Variants in CNNM2 observed in about 807,000 individuals in gnomAD.
CNNM2 encodes metal transporter CNNM2.
CNNM2 carries 12 observed loss-of-function variants against 66.9 expected under a neutral mutation model. The observed-to-expected ratio is 0.18, with a 90% CI of 0.11 to 0.29. The LOEUF (loss-of-function observed/expected upper bound fraction) is 0.29, where lower values mean the gene tolerates loss of function less well. Among genes scored for constraint, CNNM2 ranks in the 10% least tolerant of loss-of-function variants. The pLI is 1.00. For missense variants in CNNM2, 705 were observed against 1,167.7 expected, an observed-to-expected ratio of 0.60 and a Z score of 5.77; for synonymous variants, 557 against 501.8, an observed-to-expected ratio of 1.11 and a Z score of -1.47.
chr10:103,009,692 A>G (rs910998204), intron 1 of CNNM2, among the ~76,000 whole-genome samples: 7 of 146,132 alleles, frequency 4.8e-5, no homozygotes, highest in African/African-American at 1.8e-4. Flanking sequence ...AAAAAAAAAA[A>G]AAAAAAGTAT....
At chr10:102,933,257 A>G (rs1057333334) in intron 1 of CNNM2, among the ~76,000 whole-genome samples, 1 of 152,190 alleles carries the variant, frequency 6.6e-6, no homozygotes, top group Non-Finnish European at 1.5e-5. Context: ...TCTTCCATCC[A>G]TGAACGGGGA....
At chr10:103,007,875 C>T (rs184300439) in intron 1 of CNNM2, among the ~76,000 whole-genome samples, 106 of 152,250 alleles carry the variant, frequency 7.0e-4, no homozygotes, top group African/African-American at 2.3e-3. Flanking sequence ...ATAAGACAGG[C>T]GTTAAGAAAT....
chr10:102,939,160 A>G (rs181480998), intron 1 of CNNM2, among the ~76,000 whole-genome samples: 2 of 152,270 alleles, frequency 1.3e-5, no homozygotes, highest in East Asian at 1.9e-4. Context: ...TATTCATTCA[A>G]CCTGCCTAGT....
intron 1 of CNNM2, among the ~76,000 whole-genome samples, chr10:103,019,033 TG>T (rs2064515184): frequency 6.6e-6 from 1 of 151,108 alleles, no homozygotes; most frequent in Non-Finnish European, 1.5e-5. Flanking sequence ...TTTGGGAGGC[TG>T]AGGCAGGCAG....
At chr10:102,943,043 A>G (rs1590285020) in intron 1 of CNNM2, among the ~76,000 whole-genome samples, 1 of 152,008 alleles carries the variant, frequency 6.6e-6, no homozygotes, top group Non-Finnish European at 1.5e-5. Context: ...TGGCCAACAT[A>G]GTGAAACCCC....
chr10:102,992,460 G>A (rs1376405484), intron 1 of CNNM2, among the ~76,000 whole-genome samples: 3 of 151,920 alleles, frequency 2.0e-5, no homozygotes, highest in African/African-American at 7.3e-5. Context: ...TTTTAGTAGA[G>A]ATGGGTTTCA....
intron 5 of CNNM2, among the ~76,000 whole-genome samples, chr10:103,069,939 T>C (rs745335388): frequency 6.6e-6 from 1 of 152,234 alleles, no homozygotes; most frequent in Non-Finnish European, 1.5e-5. Context: ...CAAGACTGTT[T>C]CTGTGACATT....
chr10:102,991,011 C>T (rs1435677872), intron 1 of CNNM2, among the ~76,000 whole-genome samples: 1 of 152,056 alleles, frequency 6.6e-6, no homozygotes, highest in African/African-American at 2.4e-5. Flanking sequence ...TATTTTGAGA[C>T]ATTCTTGCTC....
chr10:102,921,116 G>T, intron 1 of CNNM2: 1 of 838,722 alleles, frequency 1.2e-6, no homozygotes, highest in Non-Finnish European at 1.4e-6. Flanking sequence ...TAATGAACAG[G>T]TAAATAGCAA....
chr10:102,966,544 T>A (rs1043732968), intron 1 of CNNM2, among the ~76,000 whole-genome samples: 1 of 152,170 alleles, frequency 6.6e-6, no homozygotes, highest in Non-Finnish European at 1.5e-5. Context: ...GGAGAATTGC[T>A]TGAACCTGGG....
chr10:103,028,305 A>C (rs2064745942), intron 1 of CNNM2, among the ~76,000 whole-genome samples: 1 of 152,210 alleles, frequency 6.6e-6, no homozygotes, highest in Admixed American at 6.5e-5. Flanking sequence ...TCATCTAGTC[A>C]TTCAGTAAAC....
chr10:103,020,258 C>T (rs1190587610), intron 1 of CNNM2, among the ~76,000 whole-genome samples: 8 of 151,926 alleles, frequency 5.3e-5, no homozygotes, highest in African/African-American at 9.7e-5. Context: ...TGGGTTCAAG[C>T]GATTCTCCTG....
At position 102,994,041 on chromosome 10, in the gene CNNM2, A is replaced by T. The variant is rs1256391181; in HGVS notation, c.1622-55666A>T. Among the ~76,000 whole-genome samples, 3 of 151,932 alleles carry T rather than the reference A, an allele frequency of 2.0e-5. No individual in the cohort carries two copies. In the East Asian group the frequency reaches 5.8e-4, roughly 29 times the overall value. On this transcript the variant is annotated intron_variant, in intron 1 of 7. Transcript: ENST00000369878. ...AACCTCTGCCTCCCGGGTTCAAGTG[A>T]TTTTCCTGCCTCAGCCTCGTGAGTA...
rs11191526 is a variant in CNNM2 at position 103,034,945 on chromosome 10, C to T, written c.1622-14762C>T. 7.7e-3 allele frequency among the ~76,000 whole-genome samples: 1,056 copies of T among 136,814 alleles called. 6 individuals are homozygous for T. The highest frequency in any genetic ancestry group is 0.027 in the African/African-American group (1,004 of 36,994). The allele number at this position is 136,814 out of a possible 152,430, so 89.8% of individuals were successfully genotyped here. A position where few individuals can be genotyped will look rare whatever the true frequency, so the allele number is the denominator to read the frequency against. On this transcript the variant is annotated intron_variant, in intron 1 of 7. Coordinates refer to ENST00000369878, the MANE Select transcript of CNNM2 (RefSeq NM_017649.5). Reference sequence around the variant, plus strand: ...TGCGCCACTGCAGTCTGCAGTCCGGCCTGGGCGACAGAGCGAGACTCCGTC... The same window carrying T: ...TGCGCCACTGCAGTCTGCAGTCCGGTCTGGGCGACAGAGCGAGACTCCGTC...
At chr10:103,036,592 G>A (rs990629836) in intron 1 of CNNM2, among the ~76,000 whole-genome samples, 3 of 152,110 alleles carry the variant, frequency 2.0e-5, no homozygotes, top group Non-Finnish European at 4.4e-5. Context: ...TCGAGGTGGG[G>A]TCTCTGCTAC....
rs35431242 is a variant in CNNM2, at chr10:102,920,700, CA to C, written c.1621+607del. ...AGGGGTGGGGTAAACTAAGTATCGCCAAAAAAAATCACCCATTTTGGATGTG... is the reference window on the plus strand; with the variant it reads ...AGGGGTGGGGTAAACTAAGTATCGCCAAAAAAATCACCCATTTTGGATGTG... On this transcript the variant is annotated intron_variant, in intron 1 of 7. Coordinates refer to ENST00000369878, the MANE Select transcript of CNNM2 (RefSeq NM_017649.5). Among the ~76,000 whole-genome samples, 61,945 of 151,448 alleles carry C rather than the reference CA, an allele frequency of 0.41. 12,871 individuals are homozygous for C. The highest frequency in any genetic ancestry group is 0.56 in the East Asian group (2,876 of 5,136).
intron 1 of CNNM2, among the ~76,000 whole-genome samples, chr10:103,033,008 C>T (rs532500479): frequency 6.6e-6 from 1 of 150,872 alleles, no homozygotes; most frequent in African/African-American, 2.4e-5. Context: ...ATCCCAGCTA[C>T]TTATGAGGCT....
intron 1 of CNNM2, among the ~76,000 whole-genome samples, chr10:102,994,108 T>G (rs563020889): frequency 6.6e-6 from 1 of 152,146 alleles, no homozygotes; most frequent in Non-Finnish European, 1.5e-5. Context: ...AGCTAATTTT[T>G]GTATTTTTAG....
At chr10:102,921,679 A>C (rs572558792) in intron 1 of CNNM2, among the ~76,000 whole-genome samples, 4 of 152,302 alleles carry the variant, frequency 2.6e-5, no homozygotes, top group Non-Finnish European at 5.9e-5. Flanking sequence ...AATATCTGTA[A>C]TACAGAAAGA....
Sources: gnomAD v4.1 joint callset for allele counts (sites outside exome capture counted in the v4.1 genomes callset) on GRCh38, gnomAD v4.1.1 for gene constraint, MANE v1.5 for transcripts, NCBI Gene and HGNC (gene_info 2026-07-23, HGNC 2026-07-21) for gene names.